The following SLC1A1 variants were observed in gnomAD, a reference collection of about 807,000 sequenced individuals.
The protein encoded by SLC1A1 is solute carrier family 1 member 1, also known as excitatory amino acid transporter 3.
SLC1A1 carries 43 observed loss-of-function variants against 53.3 expected under a neutral mutation model. The ratio of observed to expected loss-of-function variants is 0.81; its 90% CI spans 0.63 to 1.04. The LOEUF is 1.04. Ranked by LOEUF, SLC1A1 falls within the 50% of genes least tolerant of loss-of-function variation. The pLI is 0.00. For missense variants in SLC1A1, 748 were observed against 664.9 expected, an observed-to-expected ratio of 1.12 and a Z score of -1.37; for synonymous variants, 307 against 243.2, an observed-to-expected ratio of 1.26 and a Z score of -2.44.
chr9:4,571,681 AAAATAAATAAAT>A (rs35825973), intron 6 of SLC1A1, among the ~76,000 whole-genome samples: 1 of 149,518 alleles, frequency 6.7e-6, no homozygotes, highest in Non-Finnish European at 1.5e-5. Flanking sequence ...CATCTCAGAA[AAAATAAATAAAT>A]AAATAAATAA....
intron 2 of SLC1A1, among the ~76,000 whole-genome samples, chr9:4,559,395 C>A (rs1359759903): frequency 1.3e-5 from 2 of 152,066 alleles, no homozygotes; most frequent in Admixed American, 1.3e-4. Context: ...ATATTAACTT[C>A]CAAAGGAGCA....
At chr9:4,575,060 C>T (rs763223220) in intron 8 of SLC1A1, among the ~76,000 whole-genome samples, 1 of 152,166 alleles carries the variant, frequency 6.6e-6, no homozygotes, top group South Asian at 2.1e-4. Context: ...ATGAGCTGAG[C>T]CATTTCATAA....
chr9:4,502,459 A>G (rs972483744), intron 1 of SLC1A1, among the ~76,000 whole-genome samples: 10 of 149,316 alleles, frequency 6.7e-5, no homozygotes, highest in Non-Finnish European at 3.0e-5. Flanking sequence ...TGAGAGTGAC[A>G]TATTTTCTCC....
At chr9:4,555,741 A>G (rs1818314419) in intron 2 of SLC1A1, among the ~76,000 whole-genome samples, 1 of 152,128 alleles carries the variant, frequency 6.6e-6, no homozygotes, top group African/African-American at 2.4e-5. Flanking sequence ...TGCCCAATTC[A>G]GGTGCCACCT....
At chr9:4,540,945 C>T (rs1816951731) in intron 1 of SLC1A1, among the ~76,000 whole-genome samples, 1 of 152,230 alleles carries the variant, frequency 6.6e-6, no homozygotes, top group Admixed American at 6.5e-5. Flanking sequence ...CCAGGTTCCA[C>T]ACCTCACAAT....
At position 4,587,149 on chromosome 9, in the gene SLC1A1, T is replaced by A. The variant is rs961573510; in HGVS notation, c.*1591T>A. On this transcript the variant is annotated 3_prime_UTR_variant, in exon 12 of 12. Coordinates refer to ENST00000262352, the MANE Select transcript of SLC1A1 (RefSeq NM_004170.6). ...CGACCTACATCTGAAATCTACAACA[T>A]AATGATACTGAATTGTTATGTAAAC... 6.6e-6 allele frequency: 1 copy of A among 152,656 alleles called. No individual in the cohort carries two copies. The highest frequency in any genetic ancestry group is 1.5e-5 in the Non-Finnish European group (1 of 68,030). The allele number at this position is 152,656 out of a possible 1,614,324, so 9.5% of individuals were successfully genotyped here. A position where few individuals can be genotyped will look rare whatever the true frequency, so the allele number is the denominator to read the frequency against.
In SLC1A1 at chr9:4,549,314, C is replaced by T. The variant is rs74842229; in HGVS notation, c.232+4607C>T. On this transcript the variant is annotated intron_variant, in intron 2 of 11. Transcript: ENST00000262352. This position sits in a 1 kb window ranked among gnomAD's most constrained non-coding sequence, Gnocchi z 4.1. ...GTGTCTGCTGTGGCTGCCACTACCC[C>T]GGTGACCTAAGGAGTTCCGCTCTTT... is the stretch of plus-strand genomic sequence containing the variant. Among the ~76,000 whole-genome samples, 95 of 152,200 alleles carry T rather than the reference C, an allele frequency of 6.2e-4. No homozygotes were observed. The highest frequency in any genetic ancestry group is 2.0e-3 in the African/African-American group (84 of 41,558).
At chr9:4,511,180 C>A (rs1264202335) in intron 1 of SLC1A1, among the ~76,000 whole-genome samples, 4 of 152,196 alleles carry the variant, frequency 2.6e-5, no homozygotes, top group Admixed American at 2.6e-4. Flanking sequence ...GCTGCTGTAA[C>A]AACATCCCAC....
At chr9:4,496,847 G>A (rs1820442820) in intron 1 of SLC1A1, among the ~76,000 whole-genome samples, 1 of 152,170 alleles carries the variant, frequency 6.6e-6, no homozygotes, top group African/African-American at 2.4e-5. Context: ...CAGGGAGCTT[G>A]ATCACATCAT....
intron 1 of SLC1A1, among the ~76,000 whole-genome samples, chr9:4,540,627 T>C (rs1234366491): frequency 6.6e-6 from 1 of 152,164 alleles, no homozygotes; most frequent in Non-Finnish European, 1.5e-5. Context: ...CTGGCTCCTG[T>C]ACCTGCTCAC....
At chr9:4,555,349 T>A (rs993457820) in intron 2 of SLC1A1, among the ~76,000 whole-genome samples, 8 of 152,200 alleles carry the variant, frequency 5.3e-5, no homozygotes, top group African/African-American at 1.7e-4. Flanking sequence ...GTGGAGAGAT[T>A]GTCACGAAAG....
At chr9:4,561,619 C>T (rs1043634829) in intron 3 of SLC1A1, 78 bp downstream of exon 3, 23 of 909,770 alleles carry the variant, frequency 2.5e-5, no homozygotes, top group Non-Finnish European at 3.5e-5. Context: ...TGGCCAGATG[C>T]GGTGGCTCAG....
intron 1 of SLC1A1, among the ~76,000 whole-genome samples, chr9:4,537,662 G>C (rs1816729811): frequency 6.6e-6 from 1 of 151,656 alleles, no homozygotes; most frequent in Middle Eastern, 3.4e-3. Flanking sequence ...CGTGAAATAA[G>C]CCAGATACAA....
intron 5 of SLC1A1, among the ~76,000 whole-genome samples, chr9:4,567,096 C>G (rs543812968): frequency 2.0e-5 from 3 of 152,198 alleles, no homozygotes; most frequent in Admixed American, 1.3e-4. Flanking sequence ...CTCACTCTTT[C>G]TTAAATCCCC....
chr9:4,511,158 T>C (rs1330323694), intron 1 of SLC1A1, among the ~76,000 whole-genome samples: 4 of 152,212 alleles, frequency 2.6e-5, no homozygotes, highest in Non-Finnish European at 4.4e-5. Flanking sequence ...GAGGGTGTCA[T>C]AGTCTGTTCT....
intron 1 of SLC1A1, among the ~76,000 whole-genome samples, chr9:4,503,827 A>C (rs1820713809): frequency 6.6e-6 from 1 of 151,564 alleles, no homozygotes. Flanking sequence ...GATATATCTG[A>C]CTGATTACAA....
In SLC1A1 at chr9:4,571,315, A is replaced by G. The variant is rs565615388; in HGVS notation, c.583-889A>G. Among the ~76,000 whole-genome samples the G allele has an allele frequency of 6.7e-5, 8 of 120,136 alleles. No individual in the cohort carries two copies. In the East Asian group the frequency reaches 1.5e-3, roughly 22 times the overall value. 78.8% of individuals were successfully genotyped at this position (120,136 alleles called of 152,430 possible). On this transcript the variant is annotated intron_variant, in intron 6 of 11. Coordinates refer to ENST00000262352, the MANE Select transcript of SLC1A1 (RefSeq NM_004170.6). ...TAATACCTGGGTGATAAAATAATCT[A>G]TACAACAAACCCCATGACACCCTGT...
intron 1 of SLC1A1, among the ~76,000 whole-genome samples, chr9:4,516,146 G>C (rs1005032869): frequency 2.0e-5 from 3 of 152,166 alleles, no homozygotes; most frequent in South Asian, 2.1e-4. Flanking sequence ...ATCTATGAAA[G>C]AGCCAGGTTC....
intron 1 of SLC1A1, among the ~76,000 whole-genome samples, chr9:4,543,720 C>T (rs1043019175): frequency 1.3e-5 from 2 of 152,004 alleles, no homozygotes; most frequent in Non-Finnish European, 1.5e-5. Context: ...GAGTGCAAAA[C>T]ATTAGAGAAC....
Sources: allele counts gnomAD v4.1 joint callset (sites outside exome capture counted in the v4.1 genomes callset), GRCh38; gene constraint gnomAD v4.1.1; non-coding constraint Gnocchi (gnomAD v3.1); transcripts MANE v1.5; gene names NCBI Gene and HGNC (gene_info 2026-07-23, HGNC 2026-07-21).